The following TANC1 variants were observed in gnomAD, a reference collection of about 807,000 sequenced individuals.
The protein encoded by TANC1 is protein TANC1.
TANC1 carries 77 observed loss-of-function variants against 149.7 expected under a neutral mutation model. The ratio of observed to expected loss-of-function variants is 0.51; its 90% CI spans 0.43 to 0.62. The LOEUF is 0.62. Ranked by LOEUF, TANC1 falls within the 20% of genes least tolerant of loss-of-function variation. The probability of loss-of-function intolerance (pLI) is 0.00; values close to 1 mark genes in which losing one functional copy is unlikely to be tolerated. For synonymous variants in TANC1, 854 were observed against 925.0 expected (o/e 0.92, Z 1.39); for missense variants, 1,985 against 2,321.8 (o/e 0.85, Z 2.98).
Position 159,229,735 on chromosome 2 carries a change from A to G in TANC1, c.4309A>G (p.Asn1437Asp). ...KQQGPLPAPLNDSENEEDTPT... is the reference protein window; with the variant it reads ...KQQGPLPAPLDDSENEEDTPT... Reference sequence around the variant, plus strand: ...GCAGGGCCCGCTACCAGCTCCACTCAACGACTCCGAGAACGAAGAGGACAC... The same window carrying G: ...GCAGGGCCCGCTACCAGCTCCACTCGACGACTCCGAGAACGAAGAGGACAC... Residue 1437 changes from asparagine (N) to aspartate (D), a missense_variant, in exon 27 of 27, where the codon AAC becomes GAC. By Grantham distance (23) the Asn-to-Asp change is conservative. Around this residue, in one of 3 missense-constraint regions of TANC1, gnomAD observed 920 missense variants for 994.7 expected, o/e 0.92. Coordinates refer to ENST00000263635, the MANE Select transcript of TANC1 (RefSeq NM_033394.3). The G allele has an allele frequency of 6.2e-7, 1 of 1,613,880 alleles. No homozygotes were observed. The highest frequency in any genetic ancestry group is 8.5e-7 in the Non-Finnish European group (1 of 1,179,952).
In TANC1 at chr2:159,100,674, CA is replaced by C. The variant is rs1442579254; in HGVS notation, c.259+2841del. Among the ~76,000 whole-genome samples the C allele has an allele frequency of 3.9e-5, 6 of 152,154 alleles. No individual in the cohort carries two copies. In the South Asian group the frequency reaches 1.2e-3, roughly 31 times the overall value. ...ATTTGTACAGCAAATTAGTGTCTCA[CA>C]GTGGTAATTTGGCTTCATTATCTTG... On this transcript the variant is annotated intron_variant, in intron 4 of 26. Transcript: ENST00000263635.
At chr2:159,213,497 T>C (rs149833720) in intron 19 of TANC1, among the ~76,000 whole-genome samples, 40 of 151,932 alleles carry the variant, frequency 2.6e-4, no homozygotes, top group African/African-American at 9.4e-4. Context: ...ATGTCAGTTT[T>C]ACATACCGAC....
At chr2:159,108,261 A>G (rs1292569972) in intron 4 of TANC1, among the ~76,000 whole-genome samples, 2 of 152,130 alleles carry the variant, frequency 1.3e-5, no homozygotes. Context: ...TGTGTCTTCA[A>G]CTGGGTTTGT....
chr2:159,026,222 T>C (rs1187012229), intron 2 of TANC1, among the ~76,000 whole-genome samples: 2 of 152,202 alleles, frequency 1.3e-5, no homozygotes, highest in South Asian at 2.1e-4. Context: ...TGTGAGCCAC[T>C]GTGTCTGGCC....
chr2:159,155,009 C>T (rs2053269695), intron 7 of TANC1, among the ~76,000 whole-genome samples: 1 of 152,108 alleles, frequency 6.6e-6, no homozygotes, highest in East Asian at 1.9e-4. Flanking sequence ...CAAATGGAAA[C>T]TGTAAGCTGT....
intron 25 of TANC1, 48 bp downstream of exon 25, chr2:159,228,013 C>G (rs1476302505): frequency 1.9e-6 from 3 of 1,591,284 alleles, no homozygotes; most frequent in African/African-American, 1.4e-5. Flanking sequence ...CAACAGAGCC[C>G]TTCTCCAGCA....
intron 1 of TANC1, among the ~76,000 whole-genome samples, chr2:158,997,078 A>G (rs1172433790): frequency 6.6e-6 from 1 of 152,232 alleles, no homozygotes; most frequent in Non-Finnish European, 1.5e-5. Context: ...GAGTGGGGAC[A>G]GAAAGACATG....
At chr2:159,136,049 T>TGCGTGCGC (rs1553568385) in intron 4 of TANC1, 145 bp from the exon 5 acceptor site, 1 of 90,772 alleles carries the variant, frequency 1.1e-5, no homozygotes, top group African/African-American at 8.2e-5. Flanking sequence ...TGTGTGTGTG[T>TGCGTGCGC]GCGCGCGCGC....
chr2:159,154,660 A>G (rs56077514), intron 7 of TANC1, among the ~76,000 whole-genome samples: 4,404 of 152,364 alleles, frequency 0.029, 86 homozygotes, highest in Non-Finnish European at 0.046. Flanking sequence ...CTTTAGAAGT[A>G]TAATAATTCT....
chr2:159,191,112 G>T (rs991672308), intron 16 of TANC1, among the ~76,000 whole-genome samples: 6 of 152,176 alleles, frequency 3.9e-5, no homozygotes, highest in Admixed American at 1.3e-4. Flanking sequence ...CCTGGATCTG[G>T]CTAGACAGTG....
chr2:158,981,618 G>A (rs1258505542), intron 1 of TANC1, among the ~76,000 whole-genome samples: 14 of 147,706 alleles, frequency 9.5e-5, no homozygotes, highest in Non-Finnish European at 2.1e-4. Flanking sequence ...TTGATTCCAG[G>A]TGTGTTTGGA....
intron 2 of TANC1, among the ~76,000 whole-genome samples, chr2:159,024,976 A>C (rs1325970379): frequency 6.6e-6 from 1 of 152,218 alleles, no homozygotes; most frequent in Non-Finnish European, 1.5e-5. Context: ...ACATTCGCAC[A>C]GCAATGCTGA....
chr2:159,061,866 T>C (rs16843641), intron 2 of TANC1, among the ~76,000 whole-genome samples: 1,904 of 152,318 alleles, frequency 0.013, 27 homozygotes, highest in Middle Eastern at 0.061. Flanking sequence ...CTTGCTGTCA[T>C]AGAGGCTAAG....
intron 2 of TANC1, among the ~76,000 whole-genome samples, chr2:159,059,886 C>CTT (rs1553532903): frequency 1.6e-4 from 8 of 50,942 alleles, no homozygotes; most frequent in Admixed American, 1.4e-3. Context: ...TAGCAGACCT[C>CTT]TTTGTGTGTG....
chr2:159,049,338 A>AAAT (rs1553528171), intron 2 of TANC1, among the ~76,000 whole-genome samples: 4 of 151,930 alleles, frequency 2.6e-5, no homozygotes, highest in Non-Finnish European at 5.9e-5. Flanking sequence ...ATCCAAACTT[A>AAAT]GTTCAGATTT....
intron 3 of TANC1, among the ~76,000 whole-genome samples, chr2:159,068,290 T>C (rs987529650): frequency 6.6e-6 from 1 of 152,248 alleles, no homozygotes. Flanking sequence ...CTACCAAGAC[T>C]GCTCTGAAAC....
chr2:159,039,251 T>A (rs1316154109), intron 2 of TANC1, among the ~76,000 whole-genome samples: 1 of 152,208 alleles, frequency 6.6e-6, no homozygotes, highest in African/African-American at 2.4e-5. Context: ...TTTATTAGTC[T>A]TGCTAGCGGT....
chr2:159,164,333 A>G (rs926581680), intron 8 of TANC1, among the ~76,000 whole-genome samples: 1 of 152,256 alleles, frequency 6.6e-6, no homozygotes, highest in African/African-American at 2.4e-5. Flanking sequence ...ATTAGGTATT[A>G]TAAGTAATCT....
intron 3 of TANC1, among the ~76,000 whole-genome samples, chr2:159,080,513 C>T (rs1368142307): frequency 2.0e-5 from 3 of 152,170 alleles, no homozygotes; most frequent in Admixed American, 2.0e-4. Flanking sequence ...GTCTGTGGTG[C>T]TCCATCTCTA....
Sources: gnomAD v4.1 joint callset for allele counts (sites outside exome capture counted in the v4.1 genomes callset) on GRCh38, gnomAD v4.1.1 for gene constraint, gnomAD v4.1.1 regional missense constraint, MANE v1.5 for transcripts, NCBI Gene and HGNC (gene_info 2026-07-23, HGNC 2026-07-21) for gene names.